The following MPP7 variants were observed in gnomAD, a reference collection of about 807,000 sequenced individuals.
The protein encoded by MPP7 is MAGUK p55 scaffold protein 7, also known as MAGUK p55 subfamily member 7.
MPP7 carries 60 observed loss-of-function variants against 76.5 expected under a neutral mutation model. The observed-to-expected ratio is 0.78, with a 90% confidence interval of 0.64 to 0.97. The LOEUF (loss-of-function observed/expected upper bound fraction) is 0.97, where lower values mean the gene tolerates loss of function less well. MPP7 is among the 50% of genes least tolerant of loss of function. The probability of loss-of-function intolerance (pLI) is 0.00; values close to 1 mark genes in which losing one functional copy is unlikely to be tolerated. For synonymous variants in MPP7, 237 were observed against 244.5 expected (o/e 0.97, Z 0.29); for missense variants, 641 against 694.0 (o/e 0.92, Z 0.86).
chr10:28,217,419 C>CA (rs1344711823), intron 2 of MPP7, among the ~76,000 whole-genome samples: 2 of 151,328 alleles, frequency 1.3e-5, no homozygotes, highest in African/African-American at 4.9e-5. Flanking sequence ...CCCAGCTACT[C>CA]AGGAGGCTGA....
intron 12 of MPP7, among the ~76,000 whole-genome samples, chr10:28,085,279 T>C (rs1269312187): frequency 6.6e-6 from 1 of 152,180 alleles, no homozygotes; most frequent in African/African-American, 2.4e-5. Context: ...TGCTTCAGTT[T>C]CTTCATCTGT....
At chr10:28,162,746 T>C (rs889418188) in intron 3 of MPP7, among the ~76,000 whole-genome samples, 3 of 152,172 alleles carry the variant, frequency 2.0e-5, no homozygotes, top group Non-Finnish European at 2.9e-5. Flanking sequence ...TTCTAATGAA[T>C]TGAAATATTC....
At chr10:28,273,551 C>T (rs934525386) in intron 1 of MPP7, among the ~76,000 whole-genome samples, 9 of 152,208 alleles carry the variant, frequency 5.9e-5, no homozygotes, top group African/African-American at 1.9e-4. Context: ...GAACATTCTA[C>T]CCACTCTCAC....
intron 3 of MPP7, among the ~76,000 whole-genome samples, chr10:28,156,636 G>T (rs940786515): frequency 6.6e-6 from 1 of 152,162 alleles, no homozygotes; most frequent in Non-Finnish European, 1.5e-5. Context: ...ACGGACACAG[G>T]AAAGGCAGAC....
rs761256622 is a variant in MPP7, at chr10:28,150,078, C to T, written c.157-19G>A. ...CATGAATCTGGAAGAAAATCAAATG[C>T]ATATAAGTTCACCTGCTAGCAAACA... On this transcript the variant is annotated intron_variant, in intron 3 of 16. Coordinates refer to ENST00000683449, the MANE Select transcript of MPP7 (RefSeq NM_001318170.2). The T allele has an allele frequency of 3.8e-6, 6 of 1,573,456 alleles. No homozygotes were observed. The highest frequency in any genetic ancestry group is 5.2e-6 in the Non-Finnish European group (6 of 1,144,922).
At chr10:28,200,267 C>G (rs1837727275) in intron 3 of MPP7, among the ~76,000 whole-genome samples, 1 of 152,112 alleles carries the variant, frequency 6.6e-6, no homozygotes, top group South Asian at 2.1e-4. Flanking sequence ...CACTTGAGGT[C>G]TGTGTCTGAT....
intron 2 of MPP7, among the ~76,000 whole-genome samples, chr10:28,218,058 T>G (rs967155393): frequency 6.6e-6 from 1 of 152,166 alleles, no homozygotes; most frequent in Non-Finnish European, 1.5e-5. Context: ...TAACGATGTG[T>G]AATGCAACTG....
At chr10:28,064,291 G>A (rs1349434780) in intron 13 of MPP7, among the ~76,000 whole-genome samples, 1 of 152,184 alleles carries the variant, frequency 6.6e-6, no homozygotes, top group African/African-American at 2.4e-5. Flanking sequence ...ATTGATGTAG[G>A]AGACAACATG....
chr10:28,299,446 G>A (rs1841102553), intron 1 of MPP7, among the ~76,000 whole-genome samples: 1 of 152,092 alleles, frequency 6.6e-6, no homozygotes, highest in Non-Finnish European at 1.5e-5. Context: ...TATTATATAG[G>A]TGCAGTTCAT....
intron 3 of MPP7, among the ~76,000 whole-genome samples, chr10:28,173,366 A>T (rs560262608): frequency 6.6e-6 from 1 of 152,362 alleles, no homozygotes; most frequent in African/African-American, 2.4e-5. Flanking sequence ...CAGACTGAAC[A>T]ATAAGGCAAA....
At chr10:28,274,706 G>A (rs1460407554) in intron 1 of MPP7, among the ~76,000 whole-genome samples, 1 of 152,108 alleles carries the variant, frequency 6.6e-6, no homozygotes, top group African/African-American at 2.4e-5. Flanking sequence ...CTACATAGGA[G>A]GCTGCCTGGA....
intron 1 of MPP7, among the ~76,000 whole-genome samples, chr10:28,245,036 T>C (rs996827940): frequency 6.6e-6 from 1 of 152,206 alleles, no homozygotes; most frequent in African/African-American, 2.4e-5. Context: ...TCTGGGGTAC[T>C]TCTCTGATGA....
intron 3 of MPP7, among the ~76,000 whole-genome samples, chr10:28,195,038 T>A (rs1214158797): frequency 2.0e-5 from 3 of 152,174 alleles, no homozygotes; most frequent in Admixed American, 6.5e-5. Flanking sequence ...AAAGTAAAGT[T>A]TATTAATTAA....
At chr10:28,243,971 A>G (rs1046763812) in intron 1 of MPP7, among the ~76,000 whole-genome samples, 1 of 152,238 alleles carries the variant, frequency 6.6e-6, no homozygotes, top group Admixed American at 6.5e-5. Context: ...AATTTTTAAG[A>G]GTATAGATCT....
intron 12 of MPP7, among the ~76,000 whole-genome samples, chr10:28,075,609 TCTC>T (rs1244598373): frequency 1.3e-5 from 2 of 152,092 alleles, no homozygotes; most frequent in Non-Finnish European, 2.9e-5. Flanking sequence ...CGTGGCCACT[TCTC>T]CTTGTGTTGG....
chr10:28,233,404 A>T (rs1344752191), intron 2 of MPP7, among the ~76,000 whole-genome samples: 1 of 152,136 alleles, frequency 6.6e-6, no homozygotes, highest in Non-Finnish European at 1.5e-5. Context: ...CAGCTGAAAG[A>T]GGCTTAAAGA....
intron 3 of MPP7, among the ~76,000 whole-genome samples, chr10:28,173,125 C>T (rs556782840): frequency 3.1e-4 from 47 of 151,802 alleles, no homozygotes; most frequent in African/African-American, 1.1e-3. Context: ...TAGTGGTTCC[C>T]CAGACAGGAA....
chr10:28,129,259 C>T (rs1275534258), intron 6 of MPP7, among the ~76,000 whole-genome samples: 4 of 152,084 alleles, frequency 2.6e-5, no homozygotes, highest in African/African-American at 7.2e-5. Flanking sequence ...TCTGCCAACA[C>T]AAAATAAATT....
intron 3 of MPP7, among the ~76,000 whole-genome samples, chr10:28,173,904 C>T (rs1316352432): frequency 6.6e-6 from 1 of 152,118 alleles, no homozygotes; most frequent in East Asian, 1.9e-4. Context: ...GAATTCAATG[C>T]AATAATCATC....
Sources: allele counts gnomAD v4.1 joint callset (sites outside exome capture counted in the v4.1 genomes callset), GRCh38; gene constraint gnomAD v4.1.1; transcripts MANE v1.5; gene names NCBI Gene and HGNC (gene_info 2026-07-23, HGNC 2026-07-21).